The following DTNA variants were observed in gnomAD, a reference collection of about 807,000 sequenced individuals.
The protein encoded by DTNA is dystrophin-related protein 3.
DTNA carries 43 observed loss-of-function variants against 100.7 expected under a neutral mutation model. The ratio of observed to expected loss-of-function variants is 0.43; its 90% confidence interval spans 0.33 to 0.55. DTNA has a LOEUF of 0.55. DTNA is among the 20% of genes least tolerant of loss of function. DTNA has a pLI of 0.04. For missense variants in DTNA, 798 were observed against 953.9 expected, an observed-to-expected ratio of 0.84 and a Z score of 2.15; for synonymous variants, 349 against 347.9, an observed-to-expected ratio of 1.00 and a Z score of -0.04.
chr18:34,506,682 G>A (rs1379579046), intron 1 of DTNA, among the ~76,000 whole-genome samples: 1 of 152,154 alleles, frequency 6.6e-6, no homozygotes, highest in Non-Finnish European at 1.5e-5. Context: ...TGGGTTTCCA[G>A]TTTCTTTAGC....
At chr18:34,783,963 A>G (rs1436130097) in intron 3 of DTNA, among the ~76,000 whole-genome samples, 1 of 152,194 alleles carries the variant, frequency 6.6e-6, no homozygotes, top group Non-Finnish European at 1.5e-5. Flanking sequence ...GAGCATCTCT[A>G]TTCTTCCTGT....
At chr18:34,708,856 T>C (rs544614221), upstream of DTNA, among the ~76,000 whole-genome samples, 1 of 152,374 alleles carries the variant, frequency 6.6e-6, no homozygotes, top group East Asian at 1.9e-4. Flanking sequence ...CTATCTCATT[T>C]AATCCATTTC....
chr18:34,593,613 T>C (rs2049986557), intron 1 of DTNA: 1 of 152,310 alleles, frequency 6.6e-6, no homozygotes, highest in Middle Eastern at 3.4e-3. Context: ...TTTTTATCTG[T>C]GTGAATGAAA....
chr18:34,866,191 G>C (rs1332002562), intron 17 of DTNA: 1 of 1,614,086 alleles, frequency 6.2e-7, no homozygotes, highest in South Asian at 1.1e-5. Context: ...CCGACCTGCG[G>C]TTTTCTCATT....
At chr18:34,587,677 G>T (rs2049279294) in intron 1 of DTNA, among the ~76,000 whole-genome samples, 1 of 152,122 alleles carries the variant, frequency 6.6e-6, no homozygotes, top group Non-Finnish European at 1.5e-5. Context: ...CCTCTCCCAG[G>T]TTGTGTAGCT....
chr18:34,562,256 A>C (rs547640102), intron 1 of DTNA, among the ~76,000 whole-genome samples: 79 of 152,352 alleles, frequency 5.2e-4, no homozygotes, highest in African/African-American at 1.8e-3. Flanking sequence ...ATAAATTTTA[A>C]AAAACGAACC....
chr18:34,742,851 T>G (rs2090953981), intron 1 of DTNA, among the ~76,000 whole-genome samples: 1 of 152,118 alleles, frequency 6.6e-6, no homozygotes, highest in South Asian at 2.1e-4. Context: ...ATTATTGTTA[T>G]GACATTCAAT....
intron 16 of DTNA, among the ~76,000 whole-genome samples, chr18:34,862,542 G>C (rs1056807166): frequency 1.3e-5 from 2 of 151,974 alleles, no homozygotes; most frequent in African/African-American, 4.8e-5. Context: ...AATTAGAAAT[G>C]TCCTCCACTG....
chr18:34,527,943 C>T (rs751883818), intron 1 of DTNA, among the ~76,000 whole-genome samples: 11 of 152,064 alleles, frequency 7.2e-5, no homozygotes, highest in Non-Finnish European at 1.2e-4. Flanking sequence ...ATTGAAAGTG[C>T]TTTTATGCCC....
At chr18:34,495,397 C>T (rs2039079713) in intron 1 of DTNA, among the ~76,000 whole-genome samples, 1 of 152,112 alleles carries the variant, frequency 6.6e-6, no homozygotes. Flanking sequence ...GATTTTCAGC[C>T]GTTAAGATGT....
At chr18:34,880,900 GTCTGGT>G (rs2096865489) in intron 20 of DTNA, among the ~76,000 whole-genome samples, 1 of 152,176 alleles carries the variant, frequency 6.6e-6, no homozygotes, top group African/African-American at 2.4e-5. Flanking sequence ...CATCTGTTTT[GTCTGGT>G]AAATTCATAT....
chr18:34,827,804 C>A, intron 10 of DTNA, 128 bp downstream of exon 10: 1 of 955,118 alleles, frequency 1.0e-6, no homozygotes. Flanking sequence ...TGCAAATATC[C>A]ATTATAAGTT....
chr18:34,615,115 A>G (rs1176588888), intron 1 of DTNA, among the ~76,000 whole-genome samples: 1 of 152,182 alleles, frequency 6.6e-6, no homozygotes, highest in African/African-American at 2.4e-5. Context: ...TGGTGCTGAC[A>G]CCTGCTTAGC....
chr18:34,598,707 CA>C (rs1428133449), intron 1 of DTNA, among the ~76,000 whole-genome samples: 1 of 150,874 alleles, frequency 6.6e-6, no homozygotes, highest in African/African-American at 2.4e-5. Context: ...ACTAAAAATA[CA>C]AAAAAAAATT....
At position 34,891,494 on chromosome 18, in the gene DTNA, G is replaced by C. The variant is rs1366149753; in HGVS notation, c.*3760G>C. The C allele has an allele frequency of 6.6e-6, 1 of 152,286 alleles. No homozygotes were observed. The highest frequency in any genetic ancestry group is 1.5e-5 in the Non-Finnish European group (1 of 68,028). The allele number at this position is 152,286 out of a possible 1,614,324, so 9.4% of individuals were successfully genotyped here. A position where few individuals can be genotyped will look rare whatever the true frequency, so the allele number is the denominator to read the frequency against. ...GAAAGAAGGAAGGCAGGTACTTGCA[G>C]TTTAAAGCAGGACCCATTGATGGAA... is the stretch of plus-strand genomic sequence containing the variant. On this transcript the variant is annotated 3_prime_UTR_variant, in exon 23 of 23. Coordinates refer to ENST00000444659, the MANE Select transcript of DTNA (RefSeq NM_001386795.1).
intron 1 of DTNA, among the ~76,000 whole-genome samples, chr18:34,695,442 G>A (rs1308769138): frequency 6.6e-6 from 1 of 152,146 alleles, no homozygotes; most frequent in Non-Finnish European, 1.5e-5. Flanking sequence ...CATACCTGGG[G>A]CTCGTGTGTA....
chr18:34,825,106 A>T (rs2095829464), intron 9 of DTNA, among the ~76,000 whole-genome samples: 1 of 151,656 alleles, frequency 6.6e-6, no homozygotes. Context: ...TTTTCTACCC[A>T]CCTTGTAGAG....
chr18:34,859,312 G>A (rs781299103), intron 16 of DTNA, among the ~76,000 whole-genome samples: 6 of 144,096 alleles, frequency 4.2e-5, no homozygotes, highest in Non-Finnish European at 6.0e-5. Context: ...ATGAAGCAAC[G>A]AAAGCAGATT....
At chr18:34,611,304 T>C (rs373346158) in intron 1 of DTNA, among the ~76,000 whole-genome samples, 11 of 152,196 alleles carry the variant, frequency 7.2e-5, no homozygotes, top group African/African-American at 2.7e-4. Context: ...CATTCAACTC[T>C]AGTGCAAATC....
Sources: allele counts gnomAD v4.1 joint callset (sites outside exome capture counted in the v4.1 genomes callset), GRCh38; gene constraint gnomAD v4.1.1; transcripts MANE v1.5; gene names NCBI Gene and HGNC (gene_info 2026-07-23, HGNC 2026-07-21).